The following PDE9A variants were observed in gnomAD, a reference collection of about 807,000 sequenced individuals.
The protein encoded by PDE9A is phosphodiesterase 9A.
Under a neutral mutation model 87.4 loss-of-function variants are expected in PDE9A, and 60 were observed. That is an observed-to-expected ratio of 0.69 (90% CI 0.56 to 0.85). PDE9A has a LOEUF of 0.85. Among genes scored for constraint, PDE9A ranks in the 40% least tolerant of loss-of-function variants. The pLI is 0.00. For missense variants in PDE9A, 665 were observed against 779.0 expected (o/e 0.85, Z 1.74); for synonymous variants, 272 against 279.4 (o/e 0.97, Z 0.27).
intron 1 of PDE9A, among the ~76,000 whole-genome samples, chr21:42,656,915 A>T (rs1257712718): frequency 1.3e-5 from 2 of 152,194 alleles, no homozygotes; most frequent in South Asian, 4.1e-4. Context: ...TAAATGGGAT[A>T]AGGCAGATTG....
intron 4 of PDE9A, among the ~76,000 whole-genome samples, chr21:42,701,819 T>C (rs1367364872): frequency 1.3e-5 from 2 of 152,218 alleles, no homozygotes; most frequent in Admixed American, 6.5e-5. Context: ...TGTCTTCTCA[T>C]TGTGTTTTAG....
intron 3 of PDE9A, chr21:42,689,944 G>A (rs533128780): frequency 1.4e-5 from 14 of 984,198 alleles, no homozygotes; most frequent in Non-Finnish European, 1.4e-5. Flanking sequence ...GGATACAGGC[G>A]AAGAAGATGG....
intron 9 of PDE9A, among the ~76,000 whole-genome samples, chr21:42,753,424 G>A (rs1372711995): frequency 6.6e-6 from 1 of 152,124 alleles, no homozygotes; most frequent in Non-Finnish European, 1.5e-5. Context: ...CACCACAAGC[G>A]AGATATGGAA....
chr21:42,707,061 C>G (rs2048902054), intron 4 of PDE9A, among the ~76,000 whole-genome samples: 1 of 152,166 alleles, frequency 6.6e-6, no homozygotes, highest in Non-Finnish European at 1.5e-5. Context: ...TGGGCTGTTT[C>G]CACAAAGGCT....
chr21:42,760,819 A>G lies in PDE9A; in HGVS notation c.1003-6A>G, dbSNP rs1569264058. Reference sequence around the variant, plus strand: ...GCAAACACCTACGCCCTGTTTTCCAATCCAGGAGAAGTTCTCACAAACGGA... The same window carrying G: ...GCAAACACCTACGCCCTGTTTTCCAGTCCAGGAGAAGTTCTCACAAACGGA... On this transcript the variant is annotated splice_polypyrimidine_tract_variant and splice_region_variant and intron_variant, in intron 12 of 19. Coordinates refer to ENST00000291539, the MANE Select transcript of PDE9A (RefSeq NM_002606.3). The surrounding 1 kb of genome is among the most constrained non-coding windows in gnomAD (Gnocchi z 5.2). The G allele has an allele frequency of 1.9e-6, 3 of 1,591,228 alleles. No individual in the cohort carries two copies. Among genetic ancestry groups the G allele is most frequent in the Non-Finnish European group, 2.6e-6 (3 of 1,159,196 alleles).
chr21:42,680,194 G>A (rs868553081), intron 1 of PDE9A, among the ~76,000 whole-genome samples: 3 of 152,334 alleles, frequency 2.0e-5, no homozygotes, highest in Non-Finnish European at 2.9e-5. Context: ...TGGCCAGCCC[G>A]GCACTAAACC....
At chr21:42,721,380 C>T (rs1020577339) in intron 4 of PDE9A, among the ~76,000 whole-genome samples, 1 of 152,194 alleles carries the variant, frequency 6.6e-6, no homozygotes, top group Non-Finnish European at 1.5e-5. Flanking sequence ...GGTTGATTTT[C>T]CTTTCTTCGT....
rs2057408656 is a variant in PDE9A at position 42,775,321 on chromosome 21, T to C, written c.*28T>C. ...AAAGCGGGGGGCGTGGCTGCAGTTCTGGACGGGCTGGCCGAGCTGCGCGGG... is the reference window on the plus strand; with the variant it reads ...AAAGCGGGGGGCGTGGCTGCAGTTCCGGACGGGCTGGCCGAGCTGCGCGGG... On this transcript the variant is annotated 3_prime_UTR_variant, in exon 20 of 20. Transcript: ENST00000291539. The C allele has an allele frequency of 6.2e-7, 1 of 1,607,398 alleles. No individual in the cohort carries two copies. The highest frequency in any genetic ancestry group is 8.5e-7 in the Non-Finnish European group (1 of 1,176,832).
At chr21:42,697,470 G>A (rs1224297598) in intron 3 of PDE9A, 2 of 1,608,860 alleles carry the variant, frequency 1.2e-6, no homozygotes. Context: ...ACCTAGTAAG[G>A]AGTCATGGGC....
At chr21:42,726,613 TATA>T (rs1569207271) in intron 4 of PDE9A, among the ~76,000 whole-genome samples, 6 of 28,450 alleles carry the variant, frequency 2.1e-4, no homozygotes, top group African/African-American at 6.5e-4. Context: ...TATATATATA[TATA>T]TATATATATT....
At chr21:42,754,815 C>T (rs1018037362) in intron 10 of PDE9A, among the ~76,000 whole-genome samples, 36 of 152,182 alleles carry the variant, frequency 2.4e-4, no homozygotes, top group African/African-American at 8.2e-4. Context: ...TCCTTCTCTG[C>T]CATTCTCCAT....
At chr21:42,686,161 G>A (rs757428854) in intron 1 of PDE9A, 31 bp from the exon 2 acceptor site, 3 of 1,590,570 alleles carry the variant, frequency 1.9e-6, no homozygotes, top group Admixed American at 1.7e-5. Flanking sequence ...CGCCGCCCTC[G>A]CTGCCGCCTC....
At chr21:42,758,296 A>T (rs2055290970) in intron 10 of PDE9A, 1 of 152,248 alleles carries the variant, frequency 6.6e-6, no homozygotes, top group Non-Finnish European at 1.5e-5. Flanking sequence ...CCTCTTTGGG[A>T]CTGAAAACAA....
chr21:42,691,896 AC>A (rs1158830043), intron 3 of PDE9A, among the ~76,000 whole-genome samples: 1 of 151,024 alleles, frequency 6.6e-6, no homozygotes, highest in African/African-American at 2.4e-5. Flanking sequence ...CAGCCCCTTT[AC>A]CATCACTATC....
rs551181263 is a variant in PDE9A, at chr21:42,660,951, G to A, written c.69+7068G>A. Among the ~76,000 whole-genome samples, 87 of 152,040 alleles carry A rather than the reference G, an allele frequency of 5.7e-4. No individual in the cohort carries two copies. The highest frequency in any genetic ancestry group is 1.8e-3 in the African/African-American group (75 of 41,444). ...GAGCATTGGCCCTGAACAGAAACCC[G>A]CAGTACCCCTGAAAACTCGGTCTAG... On this transcript the variant is annotated intron_variant, in intron 1 of 19. Transcript: ENST00000291539. The surrounding 1 kb of genome is among the most constrained non-coding windows in gnomAD (Gnocchi z 4.7).
intron 14 of PDE9A, among the ~76,000 whole-genome samples, chr21:42,764,383 G>C (rs892090895): frequency 1.3e-5 from 2 of 152,208 alleles, no homozygotes; most frequent in African/African-American, 4.8e-5. Flanking sequence ...GATAAGCTGT[G>C]GCAAATCTTC....
At position 42,765,432 on chromosome 21, in the gene PDE9A, A is replaced by G; in HGVS notation, c.1294A>G (p.Met432Val). ...TGACATGGCAAGACATGCAGAAATT[A>G]TGGATTCTTTCAAAGAGAAAATGGA... is the stretch of plus-strand genomic sequence containing the variant. ...ATDMARHAEIMDSFKEKMENF... is the reference protein window; with the variant it reads ...ATDMARHAEIVDSFKEKMENF... The change falls in exon 15 of 20, where the codon ATG becomes GTG. Residue 432 changes from methionine (M) to valine (V), a missense_variant. By Grantham distance (21) the Met-to-Val change is conservative (BLOSUM62 1). Coordinates refer to ENST00000291539, the MANE Select transcript of PDE9A (RefSeq NM_002606.3). 6.2e-7 allele frequency: 1 copy of G among 1,613,108 alleles called. No homozygotes were observed. Among genetic ancestry groups the G allele is most frequent in the Non-Finnish European group, 8.5e-7 (1 of 1,179,042 alleles).
rs550883591 is a variant in PDE9A, at chr21:42,707,114, G to A, written c.262+8103G>A. ...TGCAAACGTTTGTGTGCAAATTTTT[G>A]TATGAAAGATACATGGTGAAATGAG... On this transcript the variant is annotated intron_variant, in intron 4 of 19. Transcript: ENST00000291539. Among the ~76,000 whole-genome samples, 77 of 152,300 alleles carry A rather than the reference G, an allele frequency of 5.1e-4. 1 individual carries two copies. Among genetic ancestry groups the A allele is most frequent in the African/African-American group, 1.8e-3 (74 of 41,560 alleles).
At chr21:42,762,009 C>T in intron 13 of PDE9A, 74 bp from the exon 14 acceptor site, 7 of 1,434,156 alleles carry the variant, frequency 4.9e-6, no homozygotes, top group Non-Finnish European at 6.7e-6. Context: ...ACTTACATGG[C>T]TGGGTGTTGC....
Sources: allele counts gnomAD v4.1 joint callset (sites outside exome capture counted in the v4.1 genomes callset), GRCh38; gene constraint gnomAD v4.1.1; non-coding constraint Gnocchi (gnomAD v3.1); transcripts MANE v1.5; gene names NCBI Gene and HGNC (gene_info 2026-07-23, HGNC 2026-07-21).